ADGRL1: variants seen among roughly 807,000 people sequenced by gnomAD.
ADGRL1 encodes the protein adhesion G protein-coupled receptor L1.
Under a neutral mutation model 148.9 loss-of-function variants are expected in ADGRL1, and 31 were observed. The observed-to-expected ratio is 0.21, with a 90% CI of 0.16 to 0.28. ADGRL1 has a LOEUF of 0.28. ADGRL1 is among the 10% of genes least tolerant of loss of function. The probability of loss-of-function intolerance (pLI) is 1.00; values close to 1 mark genes in which losing one functional copy is unlikely to be tolerated. For synonymous variants in ADGRL1, 937 were observed against 900.3 expected, an observed-to-expected ratio of 1.04 and a Z score of -0.73; for missense variants, 1,521 against 2,058.8, an observed-to-expected ratio of 0.74 and a Z score of 5.05.
intron 3 of ADGRL1, among the ~76,000 whole-genome samples, chr19:14,172,506 G>A (rs1016679722): frequency 2.0e-5 from 3 of 152,040 alleles, no homozygotes; most frequent in East Asian, 1.9e-4. Context: ...TTGGGAGGCC[G>A]TGGTGGATGG....
At chr19:14,204,709 A>T (rs1972848546) in intron 1 of ADGRL1, among the ~76,000 whole-genome samples, 1 of 72,566 alleles carries the variant, frequency 1.4e-5, no homozygotes, top group Non-Finnish European at 2.7e-5. Flanking sequence ...AAAGACAGAG[A>T]GAGTGAGAGA....
At chr19:14,205,453 A>G (rs1972927648) in intron 1 of ADGRL1, among the ~76,000 whole-genome samples, 1 of 150,976 alleles carries the variant, frequency 6.6e-6, no homozygotes, top group Non-Finnish European at 1.5e-5. Context: ...CCTCCCAGAG[A>G]AAAACAACCC....
intron 2 of ADGRL1, among the ~76,000 whole-genome samples, chr19:14,183,212 A>AGCGAGC (rs1555790225): frequency 6.6e-6 from 1 of 151,050 alleles, no homozygotes; most frequent in African/African-American, 2.4e-5. Flanking sequence ...AGAGAGAGAG[A>AGCGAGC]GAGAGCGAGA....
In ADGRL1 at chr19:14,162,544, T is replaced by C. The variant is rs1365306998; in HGVS notation, c.1195+62A>G. On this transcript the variant is annotated intron_variant, in intron 5 of 22. Coordinates refer to ENST00000361434, the MANE Select transcript of ADGRL1 (RefSeq NM_014921.5). This position sits in a 1 kb window ranked among gnomAD's most constrained non-coding sequence, Gnocchi z 5.4. ...GGCTCCCCACTCTGGGACCCAGGGG[T>C]GGGTGGGGGTGGAGGGGACAAAGGC... 1.4e-5 allele frequency: 21 copies of C among 1,448,452 alleles called. No individual in the cohort carries two copies. Among genetic ancestry groups the C allele is most frequent in the Non-Finnish European group, 2.0e-5 (21 of 1,059,592 alleles). The allele number at this position is 1,448,452 out of a possible 1,614,324, so 89.7% of individuals were successfully genotyped here.
At position 14,160,361 on chromosome 19, in the gene ADGRL1, G is replaced by T; in HGVS notation, c.1615-64C>A. ...TGTCAGGGACCATCCTGCCCTCCCCGGCTTCCCTGGCCTGTGCAGCCTCTC... is the reference window on the plus strand; with the variant it reads ...TGTCAGGGACCATCCTGCCCTCCCCTGCTTCCCTGGCCTGTGCAGCCTCTC... On this transcript the variant is annotated intron_variant, in intron 7 of 22. Transcript: ENST00000361434. This position sits in a 1 kb window ranked among gnomAD's most constrained non-coding sequence, Gnocchi z 5.9. The T allele has an allele frequency of 6.9e-7, 1 of 1,453,268 alleles. No homozygotes were observed. 90.0% of individuals were successfully genotyped at this position (1,453,268 alleles called of 1,614,324 possible).
At chr19:14,154,390 C>T (rs532647008) in intron 18 of ADGRL1, among the ~76,000 whole-genome samples, 1 of 152,350 alleles carries the variant, frequency 6.6e-6, no homozygotes, top group South Asian at 2.1e-4. Flanking sequence ...CTCCGTCTCC[C>T]CAGCTTCAGT....
At chr19:14,183,468 T>A in intron 2 of ADGRL1, 65 bp downstream of exon 2, 4 of 1,325,434 alleles carry the variant, frequency 3.0e-6, no homozygotes, top group Non-Finnish European at 4.0e-6. Flanking sequence ...GTTTTCAACA[T>A]TTTATCTGCC....
intron 4 of ADGRL1, among the ~76,000 whole-genome samples, chr19:14,165,598 C>G (rs1271114208): frequency 2.0e-5 from 3 of 150,944 alleles, no homozygotes; most frequent in Non-Finnish European, 3.0e-5. Context: ...CCGCCCTGCC[C>G]TGGCCCTCGA....
chr19:14,173,871 G>A (rs901935222), intron 3 of ADGRL1, among the ~76,000 whole-genome samples: 6 of 149,912 alleles, frequency 4.0e-5, no homozygotes, highest in East Asian at 2.0e-4. Flanking sequence ...TGTTTGAACC[G>A]GAAAGCGGAG....
chr19:14,152,472 G>A lies in ADGRL1; in HGVS notation c.3521-35C>T. 6.2e-7 allele frequency: 1 copy of A among 1,609,206 alleles called. No homozygotes were observed. On this transcript the variant is annotated intron_variant, in intron 20 of 22. Coordinates refer to ENST00000361434, the MANE Select transcript of ADGRL1 (RefSeq NM_014921.5). This position sits in a 1 kb window ranked among gnomAD's most constrained non-coding sequence, Gnocchi z 6.1. ...GGATCAGAGGTCACAAGGCAGCCGG[G>A]AGCCTCCAGAGACTGAAGCCAGAGG...
At chr19:14,184,662 C>T (rs1382521859) in intron 1 of ADGRL1, among the ~76,000 whole-genome samples, 17 of 127,724 alleles carry the variant, frequency 1.3e-4, no homozygotes, top group East Asian at 2.2e-4. Flanking sequence ...TTTTCTGAGA[C>T]GGAGTCGTGC....
Position 14,160,777 on chromosome 19 carries a change from T to C in ADGRL1, c.1511-81A>G, listed in dbSNP as rs1177226493. The C allele has an allele frequency of 2.5e-6, 2 of 795,990 alleles. No individual in the cohort carries two copies. Among genetic ancestry groups the C allele is most frequent in the East Asian group, 2.5e-5 (1 of 39,802 alleles). 49.3% of individuals were successfully genotyped at this position (795,990 alleles called of 1,614,324 possible). A position where few individuals can be genotyped will look rare whatever the true frequency, so the allele number is the denominator to read the frequency against. On this transcript the variant is annotated intron_variant, in intron 6 of 22. Transcript: ENST00000361434. This position sits in a 1 kb window ranked among gnomAD's most constrained non-coding sequence, Gnocchi z 5.9. ...ATGGGACAGAGAGGGGGAAAGGAGA[T>C]GACAGAGAGTGGGGGACGAGCGGGC...
chr19:14,170,994 C>A, intron 3 of ADGRL1: 1 of 531,432 alleles, frequency 1.9e-6, no homozygotes, highest in South Asian at 2.1e-5. Flanking sequence ...GGAGGTGGGG[C>A]CTGGTGGGAG....
rs557617587 is a variant in ADGRL1 at position 14,191,935 on chromosome 19, C to T, written c.-95-8238G>A. 3.3e-5 allele frequency among the ~76,000 whole-genome samples: 5 copies of T among 152,110 alleles called. No individual in the cohort carries two copies. In the South Asian group the frequency reaches 6.2e-4, roughly 19 times the overall value. The stretch of plus-strand genomic sequence containing the variant: ...CTGGTCTTGAGCTCCTGGCCTCAAG[C>T]GATCTTCCTGCCTTGGCCTCCCAAA... On this transcript the variant is annotated intron_variant, in intron 1 of 22. Transcript: ENST00000361434.
intron 1 of ADGRL1, among the ~76,000 whole-genome samples, chr19:14,184,321 T>A (rs968826529): frequency 1.3e-5 from 2 of 151,072 alleles, no homozygotes; most frequent in Non-Finnish European, 3.0e-5. Flanking sequence ...CCTCCCCCTC[T>A]GGGGGGGCCA....
chr19:14,170,602 G>A (rs1970384604), intron 4 of ADGRL1, 80 bp downstream of exon 4: 1 of 821,396 alleles, frequency 1.2e-6, no homozygotes, highest in Non-Finnish European at 2.0e-6. Flanking sequence ...GTGTGCACAT[G>A]TGTGATGGGT....
intron 1 of ADGRL1, among the ~76,000 whole-genome samples, chr19:14,190,061 G>A (rs903963497): frequency 6.6e-5 from 10 of 152,058 alleles, no homozygotes; most frequent in South Asian, 4.2e-4. Context: ...CTAAGTGGCC[G>A]GGGCTACGGG....
intron 4 of ADGRL1, among the ~76,000 whole-genome samples, chr19:14,163,864 C>T (rs747728609): frequency 2.0e-4 from 31 of 152,100 alleles, no homozygotes; most frequent in Non-Finnish European, 3.1e-4. Context: ...ACTCAGCACC[C>T]GGCCCCTTCT....
At chr19:14,194,080 A>G (rs1365247031) in intron 1 of ADGRL1, among the ~76,000 whole-genome samples, 1 of 152,174 alleles carries the variant, frequency 6.6e-6, no homozygotes, top group Non-Finnish European at 1.5e-5. Flanking sequence ...CAGCTCTACA[A>G]ACAAATATAA....
Sources: gnomAD v4.1 joint callset for allele counts (sites outside exome capture counted in the v4.1 genomes callset) on GRCh38, gnomAD v4.1.1 for gene constraint, Gnocchi (gnomAD v3.1) non-coding constraint, MANE v1.5 for transcripts, NCBI Gene and HGNC (gene_info 2026-07-23, HGNC 2026-07-21) for gene names.